CAPN2: variants seen among roughly 807,000 people sequenced by gnomAD.
CAPN2 encodes calpain-2 catalytic subunit.
Under a neutral mutation model 102.3 loss-of-function variants are expected in CAPN2, and 92 were observed. The observed-to-expected ratio is 0.90, with a 90% CI of 0.76 to 1.07. The LOEUF is 1.07. CAPN2 is among the 50% of genes least tolerant of loss of function. The pLI, the probability that CAPN2 is intolerant of heterozygous loss-of-function variation, is 0.00. For synonymous variants in CAPN2, 340 were observed against 355.4 expected, an observed-to-expected ratio of 0.96 and a Z score of 0.49; for missense variants, 800 against 909.4, an observed-to-expected ratio of 0.88 and a Z score of 1.55.
intron 2 of CAPN2, among the ~76,000 whole-genome samples, chr1:223,722,759 A>T (rs1393654248): frequency 6.6e-6 from 1 of 152,164 alleles, no homozygotes; most frequent in Non-Finnish European, 1.5e-5. Context: ...AACATGTTAC[A>T]TCAGTGTGGT....
Position 223,775,664 on chromosome 1 carries a change from G to C in CAPN2, c.*807G>C, listed in dbSNP as rs1278131803. 2.0e-5 allele frequency: 3 copies of C among 152,594 alleles called. No homozygotes were observed. Among genetic ancestry groups the C allele is most frequent in the Non-Finnish European group, 4.4e-5 (3 of 68,032 alleles). The allele number at this position is 152,594 out of a possible 1,614,324, so 9.5% of individuals were successfully genotyped here. ...AACTTTATGAACTTCACCACCACTA[G>C]TGTCTGTCCATGGAGTTAGAGGGGA... On this transcript the variant is annotated 3_prime_UTR_variant, in exon 21 of 21. Transcript: ENST00000295006.
chr1:223,737,729 A>T (rs1660501174), intron 2 of CAPN2, among the ~76,000 whole-genome samples: 1 of 142,942 alleles, frequency 7.0e-6, no homozygotes, highest in African/African-American at 2.6e-5. Context: ...GGGAGAGAAT[A>T]CAATAACACC....
upstream of CAPN2, among the ~76,000 whole-genome samples, chr1:223,710,351 G>T (rs147862337): frequency 6.2e-3 from 948 of 152,280 alleles, 12 homozygotes; most frequent in African/African-American, 0.022. Context: ...TCTGGAAGGA[G>T]ATGCTCTAAA....
At chr1:223,734,215 C>G (rs1023570646) in intron 2 of CAPN2, among the ~76,000 whole-genome samples, 17 of 152,322 alleles carry the variant, frequency 1.1e-4, no homozygotes, top group Middle Eastern at 3.4e-3. Flanking sequence ...TTTGTAGTGG[C>G]CACCCTCGTG....
At position 223,774,911 on chromosome 1, in the gene CAPN2, T is replaced by C; in HGVS notation, c.*54T>C. On this transcript the variant is annotated 3_prime_UTR_variant, in exon 21 of 21. Transcript: ENST00000295006. ...TCATGATGGAAAATCAGCCAAGGACTAAGCTTCCATAGAAATACACTTTGT... is the reference window on the plus strand; with the variant it reads ...TCATGATGGAAAATCAGCCAAGGACCAAGCTTCCATAGAAATACACTTTGT... 1 of 1,476,774 alleles carries C rather than the reference T, an allele frequency of 6.8e-7. No individual in the cohort carries two copies. The highest frequency in any genetic ancestry group is 9.4e-7 in the Non-Finnish European group (1 of 1,059,562). 91.5% of individuals were successfully genotyped at this position (1,476,774 alleles called of 1,614,324 possible). A position where few individuals can be genotyped will look rare whatever the true frequency, so the allele number is the denominator to read the frequency against.
upstream of CAPN2, among the ~76,000 whole-genome samples, chr1:223,709,900 C>G (rs867245777): frequency 2.6e-5 from 4 of 152,292 alleles, no homozygotes; most frequent in Middle Eastern, 3.4e-3. Context: ...TTATCTACAA[C>G]TTAGATTACT....
intron 5 of CAPN2, among the ~76,000 whole-genome samples, chr1:223,747,441 T>A (rs1314825949): frequency 1.3e-5 from 2 of 152,218 alleles, no homozygotes; most frequent in African/African-American, 4.8e-5. Flanking sequence ...TACAGAGGGT[T>A]ATATTCCCTT....
chr1:223,737,702 C>T lies in CAPN2; in HGVS notation c.308-6398C>T, dbSNP rs540879950. 4.1e-3 allele frequency among the ~76,000 whole-genome samples: 31 copies of T among 7,612 alleles called. 1 individual carries two copies. The highest frequency in any genetic ancestry group is 0.12 in the Middle Eastern group (1 of 8). The allele number at this position is 7,612 out of a possible 152,430, so 5.0% of individuals were successfully genotyped here. On this transcript the variant is annotated intron_variant, in intron 2 of 20. Transcript: ENST00000295006. ...GAATTTAAGGCCTGACCAAAAGAGA[C>T]GGGGCGGGGGGTGGGGGGGAGAGAA...
chr1:223,748,575 T>A (rs1660807090), intron 5 of CAPN2, among the ~76,000 whole-genome samples: 1 of 152,188 alleles, frequency 6.6e-6, no homozygotes, highest in East Asian at 1.9e-4. Flanking sequence ...GAGCATGGGC[T>A]GGTGGTGGGG....
chr1:223,769,958 C>CAT, intron 17 of CAPN2, 49 bp downstream of exon 17: 1 of 1,412,014 alleles, frequency 7.1e-7, no homozygotes, highest in Non-Finnish European at 9.8e-7. Context: ...ACATTCTGTT[C>CAT]ATATGCTTTA....
chr1:223,713,485 C>T (rs1659794275), intron 1 of CAPN2, among the ~76,000 whole-genome samples: 1 of 152,112 alleles, frequency 6.6e-6, no homozygotes, highest in Non-Finnish European at 1.5e-5. Context: ...GTTTCCCTGG[C>T]GGGAATCACC....
intron 2 of CAPN2, among the ~76,000 whole-genome samples, chr1:223,718,712 A>G (rs1000935638): frequency 1.3e-5 from 2 of 152,232 alleles, no homozygotes; most frequent in Non-Finnish European, 2.9e-5. Flanking sequence ...CATCAGTAGC[A>G]AAATCAGTCA....
At chr1:223,746,854 C>G in intron 4 of CAPN2, 143 bp from the exon 5 acceptor site, 1 of 603,628 alleles carries the variant, frequency 1.7e-6, no homozygotes, top group East Asian at 2.9e-5. Flanking sequence ...CCTGAGCACC[C>G]CGAGCTGGGA....
chr1:223,761,803 C>G, intron 13 of CAPN2, 186 bp downstream of exon 13: 1 of 567,432 alleles, frequency 1.8e-6, no homozygotes, highest in Non-Finnish European at 3.1e-6. Flanking sequence ...GGGCATGGGC[C>G]AGTCCCTTGC....
chr1:223,739,576 C>CA (rs1660556982), intron 2 of CAPN2, among the ~76,000 whole-genome samples: 1 of 152,130 alleles, frequency 6.6e-6, no homozygotes, highest in Admixed American at 6.5e-5. Context: ...TTGCTTGTGC[C>CA]AAGTGCACTG....
intron 7 of CAPN2, 27 bp downstream of exon 7, chr1:223,751,002 C>T (rs769940019): frequency 4.6e-6 from 7 of 1,536,516 alleles, no homozygotes; most frequent in East Asian, 2.4e-5. Context: ...CCTCGGGGCC[C>T]CAGGCGGGGG....
chr1:223,703,855 A>G (rs1166625312), intron 1 of CAPN2, among the ~76,000 whole-genome samples: 1 of 152,206 alleles, frequency 6.6e-6, no homozygotes, highest in Non-Finnish European at 1.5e-5. Flanking sequence ...AAATATACAC[A>G]TTATAACTCA....
At chr1:223,766,944 A>C (rs1345252980) in intron 16 of CAPN2, among the ~76,000 whole-genome samples, 1 of 151,124 alleles carries the variant, frequency 6.6e-6, no homozygotes, top group African/African-American at 2.4e-5. Context: ...TGGGTGACAG[A>C]GCGTGACTCA....
At chr1:223,751,109 G>A (rs1054371922) in intron 7 of CAPN2, 134 bp downstream of exon 7, 11 of 798,880 alleles carry the variant, frequency 1.4e-5, no homozygotes, top group Middle Eastern at 3.6e-4. Context: ...CACGTGGACA[G>A]GGACCCGTGG....
Sources: gnomAD v4.1 joint callset for allele counts (sites outside exome capture counted in the v4.1 genomes callset) on GRCh38, gnomAD v4.1.1 for gene constraint, MANE v1.5 for transcripts, NCBI Gene and HGNC (gene_info 2026-07-23, HGNC 2026-07-21) for gene names.